WDR70: variants seen among roughly 807,000 people sequenced by gnomAD.
The protein encoded by WDR70 is WD repeat domain 70.
WDR70 carries 53 observed loss-of-function variants against 88.6 expected under a neutral mutation model. The ratio of observed to expected loss-of-function variants is 0.60; its 90% CI spans 0.48 to 0.75. The LOEUF is 0.75. Ranked by LOEUF, WDR70 falls within the 30% of genes least tolerant of loss-of-function variation. The pLI is 0.00. For missense variants in WDR70, 610 were observed against 823.2 expected (o/e 0.74, Z 3.17); for synonymous variants, 280 against 270.0 (o/e 1.04, Z -0.36).
intron 17 of WDR70, among the ~76,000 whole-genome samples, chr5:37,744,419 G>A (rs1435719639): frequency 6.6e-6 from 1 of 152,100 alleles, no homozygotes; most frequent in Non-Finnish European, 1.5e-5. Flanking sequence ...AGAACTGGAT[G>A]GAGGATCAGA....
At chr5:37,459,110 G>GCCGCATATC (rs1435352230) in intron 7 of WDR70, among the ~76,000 whole-genome samples, 36 of 60,550 alleles carry the variant, frequency 5.9e-4, no homozygotes, top group East Asian at 2.3e-3. Context: ...GGAGCAGGTT[G>GCCGCATATC]TTCAGTTTCC....
chr5:37,473,231 ATTC>A (rs1294455500), intron 7 of WDR70, among the ~76,000 whole-genome samples: 2 of 41,088 alleles, frequency 4.9e-5, no homozygotes, highest in African/African-American at 7.2e-5. Flanking sequence ...TGGTCTTTTT[ATTC>A]TTTTTTTTTT....
chr5:37,468,187 G>A (rs1335077551), intron 7 of WDR70, among the ~76,000 whole-genome samples: 1 of 152,194 alleles, frequency 6.6e-6, no homozygotes, highest in Admixed American at 6.5e-5. Flanking sequence ...CATGCAGTCT[G>A]TAGCAGATGG....
chr5:37,400,647 G>A (rs1749164370), intron 5 of WDR70, among the ~76,000 whole-genome samples: 1 of 152,142 alleles, frequency 6.6e-6, no homozygotes, highest in African/African-American at 2.4e-5. Context: ...TATTTTGATT[G>A]TGGACCTCTA....
At chr5:37,678,940 C>A (rs879374408) in intron 10 of WDR70, among the ~76,000 whole-genome samples, 1 of 128,972 alleles carries the variant, frequency 7.8e-6, no homozygotes, top group Non-Finnish European at 1.7e-5. Flanking sequence ...TCTTTTTATT[C>A]TTTTTTCTCT....
chr5:37,444,108 C>T (rs1738382456), intron 7 of WDR70, among the ~76,000 whole-genome samples: 1 of 151,740 alleles, frequency 6.6e-6, no homozygotes, highest in East Asian at 2.0e-4. Flanking sequence ...AGGATTGCGC[C>T]ACTGCACTCC....
At chr5:37,496,251 C>A (rs1457889016) in intron 8 of WDR70, among the ~76,000 whole-genome samples, 3 of 152,196 alleles carry the variant, frequency 2.0e-5, no homozygotes, top group Non-Finnish European at 2.9e-5. Flanking sequence ...GCTGCCGCCA[C>A]CTGCTAGGGT....
At chr5:37,576,809 C>A (rs1309675813) in intron 9 of WDR70, among the ~76,000 whole-genome samples, 1 of 151,090 alleles carries the variant, frequency 6.6e-6, no homozygotes, top group Non-Finnish European at 1.5e-5. Flanking sequence ...CAGAGACTTC[C>A]TCAGGAGAGT....
At chr5:37,749,646 T>C (rs1748744998) in intron 17 of WDR70, among the ~76,000 whole-genome samples, 1 of 152,130 alleles carries the variant, frequency 6.6e-6, no homozygotes, top group Non-Finnish European at 1.5e-5. Context: ...TTAAATGTCA[T>C]GGAGTTTTGC....
rs544044146 is a variant in WDR70, at chr5:37,430,540, T to G, written c.493-7382T>G. Among the ~76,000 whole-genome samples the G allele has an allele frequency of 3.1e-3, 471 of 152,260 alleles. 1 individual carries two copies. The highest frequency in any genetic ancestry group is 0.011 in the African/African-American group (443 of 41,550). On this transcript the variant is annotated intron_variant, in intron 5 of 17. Transcript: ENST00000265107. ...TTACTGTTGTAATTAATTAATACTT[T>G]GTGTATAGATTTTTTTCTTTTCTTT...
At chr5:37,617,520 C>A (rs1581438957) in intron 10 of WDR70, among the ~76,000 whole-genome samples, 1 of 152,038 alleles carries the variant, frequency 6.6e-6, no homozygotes, top group African/African-American at 2.4e-5. Context: ...AACTTTTAGC[C>A]CTAGTTCTCT....
intron 10 of WDR70, among the ~76,000 whole-genome samples, chr5:37,684,068 T>G (rs2112622976): frequency 6.6e-6 from 1 of 152,366 alleles, no homozygotes; most frequent in South Asian, 2.1e-4. Flanking sequence ...TATTCTTGCC[T>G]GACTGGCTTA....
chr5:37,708,325 T>C (rs1747416464), intron 13 of WDR70, among the ~76,000 whole-genome samples: 1 of 151,562 alleles, frequency 6.6e-6, no homozygotes, highest in African/African-American at 2.4e-5. Context: ...ACTCTACAGT[T>C]TGAGAAAGTA....
intron 9 of WDR70, among the ~76,000 whole-genome samples, chr5:37,528,473 C>G (rs2112297401): frequency 6.6e-6 from 1 of 151,972 alleles, no homozygotes; most frequent in African/African-American, 2.4e-5. Flanking sequence ...ACACCGGGGC[C>G]TGTTGTGGGT....
intron 7 of WDR70, among the ~76,000 whole-genome samples, chr5:37,473,935 G>T (rs7703670): frequency 0.86 from 130,094 of 152,130 alleles, 59,229 homozygotes; most frequent in East Asian, 1. Context: ...GATTAAAACA[G>T]TTTTTTTGTA....
intron 9 of WDR70, among the ~76,000 whole-genome samples, chr5:37,570,771 A>G (rs1169315668): frequency 6.6e-6 from 1 of 152,194 alleles, no homozygotes; most frequent in Non-Finnish European, 1.5e-5. Flanking sequence ...CTTTGTTTCT[A>G]AGCACAACTT....
intron 9 of WDR70, among the ~76,000 whole-genome samples, chr5:37,589,639 G>C (rs1743469617): frequency 6.6e-6 from 1 of 152,026 alleles, no homozygotes; most frequent in African/African-American, 2.4e-5. Flanking sequence ...GAGTGCAGTG[G>C]TGCCCATCTC....
In WDR70 at chr5:37,435,515, A is replaced by G. The variant is rs184518865; in HGVS notation, c.493-2407A>G. Among the ~76,000 whole-genome samples, 180 of 152,304 alleles carry G rather than the reference A, an allele frequency of 1.2e-3. 1 individual carries two copies. Among genetic ancestry groups the G allele is most frequent in the East Asian group, 4.4e-3 (23 of 5,186 alleles). ...TATCTCTGAAAGAGGTATGTGCAGCACTTTCCACAGTATAGTAAACAAAAC... is the reference window on the plus strand; with the variant it reads ...TATCTCTGAAAGAGGTATGTGCAGCGCTTTCCACAGTATAGTAAACAAAAC... On this transcript the variant is annotated intron_variant, in intron 5 of 17. Transcript: ENST00000265107.
chr5:37,670,059 G>C (rs777292898), intron 10 of WDR70, among the ~76,000 whole-genome samples: 7 of 152,176 alleles, frequency 4.6e-5, no homozygotes, highest in African/African-American at 7.2e-5. Context: ...TGTGTATGGG[G>C]TTTCCTTTTG....
Sources: allele counts gnomAD v4.1 joint callset (sites outside exome capture counted in the v4.1 genomes callset), GRCh38; gene constraint gnomAD v4.1.1; transcripts MANE v1.5; gene names NCBI Gene and HGNC (gene_info 2026-07-23, HGNC 2026-07-21).